Variants in ANKMY1 observed in about 807,000 individuals in gnomAD.
ANKMY1 encodes the protein ankyrin repeat and MYND domain-containing protein 1.
Under a neutral mutation model 102.0 loss-of-function variants are expected in ANKMY1, and 98 were observed. The ratio of observed to expected loss-of-function variants is 0.96; its 90% CI spans 0.82 to 1.14. The LOEUF is 1.14. Among genes scored for constraint, ANKMY1 ranks in the 50% most tolerant of loss-of-function variants. ANKMY1 has a pLI of 0.00. For synonymous variants in ANKMY1, 582 were observed against 559.9 expected (o/e 1.04, Z -0.56); for missense variants, 1,330 against 1,347.6 (o/e 0.99, Z 0.20).
intron 9 of ANKMY1, 46 bp from the exon 10 acceptor site, chr2:240,512,988 G>C: frequency 6.3e-7 from 1 of 1,587,996 alleles, no homozygotes; most frequent in Non-Finnish European, 8.6e-7. Flanking sequence ...ATTCTCGTAG[G>C]GAGAGACAGG....
rs376976857 is a variant in ANKMY1, at chr2:240,525,799, G to A, written c.1221C>T (p.Asp407=). The change falls in exon 7 of 18, where the codon GAC becomes GAT. Residue 407 remains aspartate (D), a synonymous_variant. Transcript: ENST00000401804. The stretch of plus-strand genomic sequence containing the variant: ...GACCCTCATCTGAGCACTTGTTCAC[G>A]TCGGCCCCACAGTCCAGGAGAAGGT... The part of the protein sequence containing the change: ...IVNLLLDCGA[D]VNKCSDEGLT... 87 of 1,614,142 alleles carry A rather than the reference G, an allele frequency of 5.4e-5. No homozygotes were observed. The highest frequency in any genetic ancestry group is 2.6e-4 in the South Asian group (24 of 91,082).
Position 240,499,923 on chromosome 2 carries a change from C to A in ANKMY1, c.2806+35G>T. On this transcript the variant is annotated intron_variant, in intron 15 of 17. Transcript: ENST00000401804. This position sits in a 1 kb window ranked among gnomAD's most constrained non-coding sequence, Gnocchi z 4.2. ...CCAGGCACGAGGCCGGAACGCCGCC[C>A]TGTGGAGCAGAGCAGAGCAGGGCCC... is the stretch of plus-strand genomic sequence containing the variant. 1 of 1,583,102 alleles carries A rather than the reference C, an allele frequency of 6.3e-7. No individual in the cohort carries two copies. Among genetic ancestry groups the A allele is most frequent in the Non-Finnish European group, 8.6e-7 (1 of 1,158,940 alleles).
chr2:240,478,627 C>G (rs2075020693), downstream of ANKMY1, among the ~76,000 whole-genome samples: 1 of 152,154 alleles, frequency 6.6e-6, no homozygotes, highest in Non-Finnish European at 1.5e-5. Flanking sequence ...CAGCTTGTCC[C>G]TCTGCCCAGG....
upstream of ANKMY1, chr2:240,560,859 C>A: frequency 7.4e-7 from 1 of 1,348,286 alleles, no homozygotes; most frequent in Non-Finnish European, 9.6e-7. Context: ...GCCCGGCCCG[C>A]GCGCGCCCGG....
chr2:240,554,912 A>G lies in ANKMY1; in HGVS notation c.290T>C (p.Leu97Ser), dbSNP rs745778625. The G allele has an allele frequency of 3.1e-6, 5 of 1,614,136 alleles. No homozygotes were observed. In the South Asian group the frequency reaches 5.5e-5, roughly 18 times the overall value. ...TTTGCCATATCCAAGCTTCATGTTCAACCCAAACTCCCCCTGGTACATGCA... is the reference window on the plus strand; with the variant it reads ...TTTGCCATATCCAAGCTTCATGTTCGACCCAAACTCCCCCTGGTACATGCA... ...DGCMYQGEFGLNMKLGYGKFS... is the reference protein window; with the variant it reads ...DGCMYQGEFGSNMKLGYGKFS... Residue 97 changes from leucine (L) to serine (S), a missense_variant, in exon 3 of 18, where the codon TTG (leucine) becomes TCG (serine). Coordinates refer to ENST00000401804, the MANE Select transcript of ANKMY1 (RefSeq NM_001282771.3).
chr2:240,552,714 C>A, intron 4 of ANKMY1, 200 bp downstream of exon 4: 1 of 750,334 alleles, frequency 1.3e-6, no homozygotes, highest in South Asian at 1.9e-5. Flanking sequence ...TTGCTGGTAT[C>A]CCTCTGGGGA....
At position 240,523,935 on chromosome 2, in the gene ANKMY1, G is replaced by A; in HGVS notation, c.1782C>T (p.Thr594=). The change falls in exon 8 of 18, where the codon ACC becomes ACT. Residue 594 remains threonine (T), a synonymous_variant. Coordinates refer to ENST00000401804, the MANE Select transcript of ANKMY1 (RefSeq NM_001282771.3). ...LLKMASPSPC[T]SSFDKGTMRR... The stretch of plus-strand genomic sequence containing the variant: ...GCATGGTCCCTTTGTCGAAGCTGCT[G>A]GTGCACGGTGAGGGCGAGGCCATCT... 6.2e-7 allele frequency: 1 copy of A among 1,613,778 alleles called. No individual in the cohort carries two copies. Among genetic ancestry groups the A allele is most frequent in the Non-Finnish European group, 8.5e-7 (1 of 1,180,032 alleles).
At chr2:240,540,743 G>C (rs559016532) in intron 4 of ANKMY1, among the ~76,000 whole-genome samples, 14 of 152,346 alleles carry the variant, frequency 9.2e-5, no homozygotes, top group South Asian at 6.2e-4. Flanking sequence ...TCTGAAGGGT[G>C]AGCAGCAGGA....
intron 4 of ANKMY1, among the ~76,000 whole-genome samples, chr2:240,530,981 G>C (rs2085245246): frequency 6.6e-6 from 1 of 150,638 alleles, no homozygotes; most frequent in African/African-American, 2.4e-5. Flanking sequence ...AAAGTGAAAA[G>C]GTAAGCCACT....
chr2:240,547,298 T>C (rs1287513577), intron 4 of ANKMY1, among the ~76,000 whole-genome samples: 1 of 152,150 alleles, frequency 6.6e-6, no homozygotes, highest in Non-Finnish European at 1.5e-5. Context: ...GAAATAAAGA[T>C]ATTCTTTGAA....
chr2:240,510,487 C>T (rs2079964785), intron 11 of ANKMY1, among the ~76,000 whole-genome samples: 2 of 152,104 alleles, frequency 1.3e-5, no homozygotes, highest in African/African-American at 4.8e-5. Context: ...TCACTAGGAC[C>T]TGACCTCTGC....
intron 2 of ANKMY1, 63 bp from the exon 3 acceptor site, chr2:240,555,118 G>A: frequency 6.5e-7 from 1 of 1,549,068 alleles, no homozygotes; most frequent in Middle Eastern, 1.7e-4. Flanking sequence ...AGTGACTGCT[G>A]AGCACAACCC....
chr2:240,500,532 G>T lies in ANKMY1; in HGVS notation c.2560C>A (p.Leu854Met), dbSNP rs201226425. 8.7e-6 allele frequency: 14 copies of T among 1,614,138 alleles called. No homozygotes were observed. The African/African-American group carries it at 1.9e-4, about 22-fold the overall frequency. ...DRLISHGADI[L>M]KPVMLRQGEK... ...CCCTGCCTGAGCATTACAGGCTTCAGGATGTCGGCCCCGTGACTGATGAGT... is the reference window on the plus strand; with the variant it reads ...CCCTGCCTGAGCATTACAGGCTTCATGATGTCGGCCCCGTGACTGATGAGT... The change falls in exon 14 of 18, where the codon CTG becomes ATG. Residue 854 changes from leucine to methionine, a missense_variant. By Grantham distance (15) the Leu-to-Met change is conservative (BLOSUM62 2). Transcript: ENST00000401804.
chr2:240,554,972 TG>T lies in ANKMY1; in HGVS notation c.229del (p.Gln77SerfsTer21). The T allele has an allele frequency of 6.2e-7, 1 of 1,614,204 alleles. No individual in the cohort carries two copies. The stretch of plus-strand genomic sequence containing the variant: ...CCACTCCTGCACACCCTGGACGAGC[TG>T]GATGTAGGACTCCCTCAGGTCCTGC... ...RAQDLRESYI[Q>X]LVQGVQEWQD... On this transcript the variant is annotated frameshift_variant, in exon 3 of 18. Transcript: ENST00000401804. LOFTEE classifies it high-confidence loss of function.
chr2:240,497,930 C>A (rs1455222145), intron 15 of ANKMY1, among the ~76,000 whole-genome samples: 6 of 152,188 alleles, frequency 3.9e-5, no homozygotes, highest in African/African-American at 1.4e-4. Context: ...TGGGTCTTCG[C>A]AACTTGCCTC....
intron 16 of ANKMY1, 74 bp from the exon 17 acceptor site, chr2:240,481,171 G>A: frequency 3.2e-6 from 5 of 1,541,744 alleles, no homozygotes; most frequent in Middle Eastern, 1.7e-4. Context: ...CTGCCTGGGA[G>A]CTGTGCCTGG....
chr2:240,496,245 CTAGA>C (rs1397067368), intron 15 of ANKMY1, among the ~76,000 whole-genome samples: 17 of 152,242 alleles, frequency 1.1e-4, no homozygotes, highest in South Asian at 6.2e-4. Flanking sequence ...ATTAAGCTTC[CTAGA>C]TAGATAAATT....
intron 15 of ANKMY1, among the ~76,000 whole-genome samples, chr2:240,488,960 T>C (rs2076346739): frequency 6.6e-6 from 1 of 152,204 alleles, no homozygotes; most frequent in Non-Finnish European, 1.5e-5. Flanking sequence ...GCCTTTTATT[T>C]CTTTCCCTTG....
chr2:240,525,874 A>C, intron 6 of ANKMY1, 25 bp from the exon 7 acceptor site: 1 of 1,610,240 alleles, frequency 6.2e-7, no homozygotes, highest in Non-Finnish European at 8.5e-7. Flanking sequence ...GGCAGGACTC[A>C]GGATGATGCA....
Sources: gnomAD v4.1 joint callset for allele counts (sites outside exome capture counted in the v4.1 genomes callset) on GRCh38, gnomAD v4.1.1 for gene constraint, Gnocchi (gnomAD v3.1) non-coding constraint, MANE v1.5 for transcripts, NCBI Gene and HGNC (gene_info 2026-07-23, HGNC 2026-07-21) for gene names.